The following GALNT13 variants were observed in gnomAD, a reference collection of about 807,000 sequenced individuals.
GALNT13 encodes the protein UDP-GalNAc:polypeptide N-acetylgalactosaminyltransferase 13.
GALNT13 carries 28 observed loss-of-function variants against 64.2 expected under a neutral mutation model. The ratio of observed to expected loss-of-function variants is 0.44; its 90% confidence interval spans 0.32 to 0.60. The LOEUF is 0.60. GALNT13 is among the 20% of genes least tolerant of loss of function. The pLI is 0.05. For missense variants in GALNT13, 577 were observed against 669.8 expected (o/e 0.86, Z 1.53); for synonymous variants, 214 against 224.6 (o/e 0.95, Z 0.42).
chr2:153,218,542 T>C, the GALNT13 span, among the ~76,000 whole-genome samples: 6 of 152,284 alleles, frequency 3.9e-5, no homozygotes, highest in African/African-American at 1.4e-4. Flanking sequence ...GGAAGAAGGA[T>C]ATCTGTGCTC....
chr2:153,718,224 G>C, the GALNT13 span, among the ~76,000 whole-genome samples: 1 of 151,952 alleles, frequency 6.6e-6, no homozygotes, highest in South Asian at 2.1e-4. Context: ...GACCATAAGA[G>C]AGACGAAACT....
chr2:154,098,376 T>C (rs1300066995), intron 3 of GALNT13, among the ~76,000 whole-genome samples: 1 of 152,068 alleles, frequency 6.6e-6, no homozygotes, highest in Non-Finnish European at 1.5e-5. Context: ...TCTTACCTTT[T>C]AAGTTGACTT....
intron 8 of GALNT13, among the ~76,000 whole-genome samples, chr2:154,263,890 G>A (rs986150266): frequency 6.6e-6 from 1 of 152,126 alleles, no homozygotes; most frequent in African/African-American, 2.4e-5. Flanking sequence ...ACACTTTCAA[G>A]ACATTGAACA....
intron 7 of GALNT13, 41 bp from the exon 8 acceptor site, chr2:154,258,980 T>G: frequency 9.4e-7 from 1 of 1,060,480 alleles, no homozygotes. Context: ...CATACATTGT[T>G]TTCAAAAGAT....
At chr2:153,187,309 T>C in the GALNT13 span, 1 of 152,132 alleles carries the variant, frequency 6.6e-6, no homozygotes, top group African/African-American at 2.4e-5. Flanking sequence ...AGTCTCAGAG[T>C]GCTAGAAAAG....
the GALNT13 span, among the ~76,000 whole-genome samples, chr2:153,776,476 C>A: frequency 6.6e-6 from 1 of 152,194 alleles, no homozygotes; most frequent in Non-Finnish European, 1.5e-5. Context: ...TCTCCAAGGA[C>A]AAAACATCTT....
chr2:153,391,258 A>T, the GALNT13 span, among the ~76,000 whole-genome samples: 3 of 152,052 alleles, frequency 2.0e-5, no homozygotes, highest in Non-Finnish European at 4.4e-5. Flanking sequence ...TGCTCTCTTG[A>T]GAATTGGCCT....
chr2:153,373,216 G>A, the GALNT13 span, among the ~76,000 whole-genome samples: 1 of 151,644 alleles, frequency 6.6e-6, no homozygotes, highest in Non-Finnish European at 1.5e-5. Flanking sequence ...ATTACTTCCT[G>A]GGAGATAAAA....
chr2:153,741,730 T>A, the GALNT13 span, among the ~76,000 whole-genome samples: 1 of 152,086 alleles, frequency 6.6e-6, no homozygotes, highest in African/African-American at 2.4e-5. Context: ...TATATCACCA[T>A]TTTCCCTAGA....
chr2:153,408,516 A>G, the GALNT13 span, among the ~76,000 whole-genome samples: 1 of 152,204 alleles, frequency 6.6e-6, no homozygotes, highest in African/African-American at 2.4e-5. Context: ...AGACTTTCTT[A>G]CTTTGGCAAT....
the GALNT13 span, among the ~76,000 whole-genome samples, chr2:153,402,293 A>C: frequency 6.6e-6 from 1 of 151,928 alleles, no homozygotes; most frequent in Non-Finnish European, 1.5e-5. Flanking sequence ...CTGCCGAGAG[A>C]TCTGCTGTTA....
chr2:153,660,890 C>G, the GALNT13 span, among the ~76,000 whole-genome samples: 2 of 152,038 alleles, frequency 1.3e-5, no homozygotes, highest in Non-Finnish European at 2.9e-5. Context: ...GTCACATGAC[C>G]AAGCATAGCA....
At chr2:153,220,542 T>C in the GALNT13 span, among the ~76,000 whole-genome samples, 2 of 152,188 alleles carry the variant, frequency 1.3e-5, no homozygotes, top group Non-Finnish European at 2.9e-5. Context: ...TGTGGGTGGC[T>C]TACCCTAAGG....
At chr2:154,354,867 T>TTCATGTCAGG (rs970563667) in intron 9 of GALNT13, among the ~76,000 whole-genome samples, 2 of 152,110 alleles carry the variant, frequency 1.3e-5, no homozygotes, top group Admixed American at 6.6e-5. Context: ...CTACTGCTTC[T>TTCATGTCAGG]TCATGTCAGG....
chr2:154,189,789 G>T (rs1025275047), intron 4 of GALNT13, among the ~76,000 whole-genome samples: 11 of 152,054 alleles, frequency 7.2e-5, no homozygotes, highest in African/African-American at 2.4e-4. Context: ...CTACTATGGT[G>T]GAGTAGGATA....
At chr2:153,926,995 C>T (rs999388215) in intron 2 of GALNT13, among the ~76,000 whole-genome samples, 3 of 152,018 alleles carry the variant, frequency 2.0e-5, no homozygotes, top group African/African-American at 2.4e-5. Context: ...AATCATAGTG[C>T]ATTCATAAGT....
At chr2:153,274,445 A>G in the GALNT13 span, among the ~76,000 whole-genome samples, 1 of 152,196 alleles carries the variant, frequency 6.6e-6, no homozygotes, top group Admixed American at 6.5e-5. Context: ...GAACAGAGTG[A>G]GTAACTACAA....
chr2:153,889,191 T>G (rs997930235), intron 1 of GALNT13, among the ~76,000 whole-genome samples: 3 of 151,994 alleles, frequency 2.0e-5, no homozygotes, highest in African/African-American at 7.2e-5. Context: ...AAACTAAGTA[T>G]AAATTATTGA....
chr2:154,335,954 C>A (rs939217117), intron 9 of GALNT13, among the ~76,000 whole-genome samples: 1 of 151,890 alleles, frequency 6.6e-6, no homozygotes, highest in Non-Finnish European at 1.5e-5. Context: ...TTAGTGTTTA[C>A]ACCTTAGGTA....
Sources: gnomAD v4.1 joint callset for allele counts (sites outside exome capture counted in the v4.1 genomes callset) on GRCh38, gnomAD v4.1.1 for gene constraint, MANE v1.5 for transcripts, NCBI Gene and HGNC (gene_info 2026-07-23, HGNC 2026-07-21) for gene names.